COXFA4: variants seen among roughly 807,000 people sequenced by gnomAD.
COXFA4 encodes the protein cytochrome c oxidase associated subunit FA4, also known as cytochrome c oxidase subunit FA4.
the COXFA4 span, chr7:10,939,790 G>A: frequency 3.7e-5 from 23 of 629,766 alleles, no homozygotes; most frequent in Non-Finnish European, 5.6e-5. Flanking sequence ...TTTTTTTTCC[G>A]AGCAGTGTCC....
At chr7:10,939,191 G>T in the COXFA4 span, 1 of 324,188 alleles carries the variant, frequency 3.1e-6, no homozygotes, top group Non-Finnish European at 5.9e-6. Flanking sequence ...AATGTATCGA[G>T]TCTTCTTCAC....
At chr7:10,937,591 G>C in the COXFA4 span, among the ~76,000 whole-genome samples, 1 of 152,042 alleles carries the variant, frequency 6.6e-6, no homozygotes, top group African/African-American at 2.4e-5. Flanking sequence ...CCTGCCCTTG[G>C]TTTTGATGCT....
the COXFA4 span, among the ~76,000 whole-genome samples, chr7:10,936,440 C>T: frequency 2.0e-5 from 3 of 152,176 alleles, no homozygotes; most frequent in African/African-American, 7.2e-5. Flanking sequence ...GTGGAAGAAT[C>T]AAAGCCTGCT....
chr7:10,934,139 G>A, the COXFA4 span, among the ~76,000 whole-genome samples: 1 of 152,138 alleles, frequency 6.6e-6, no homozygotes, highest in South Asian at 2.1e-4. Flanking sequence ...GAGAGATCCT[G>A]CAACAAAAAG....
At chr7:10,936,358 T>G in the COXFA4 span, among the ~76,000 whole-genome samples, 1 of 152,250 alleles carries the variant, frequency 6.6e-6, no homozygotes, top group African/African-American at 2.4e-5. Flanking sequence ...ATTAGTAGAC[T>G]GGCTGCATTA....
the COXFA4 span, chr7:10,940,101 A>C: frequency 6.3e-7 from 1 of 1,599,248 alleles, no homozygotes; most frequent in Non-Finnish European, 8.6e-7. Context: ...GAACCGACCT[A>C]GCCACCAGGC....
At chr7:10,939,709 T>C in the COXFA4 span, 1 of 452,840 alleles carries the variant, frequency 2.2e-6, no homozygotes, top group East Asian at 4.6e-5. Context: ...CTATCCCTCC[T>C]GGACCGCACA....
the COXFA4 span, among the ~76,000 whole-genome samples, chr7:10,935,060 A>G: frequency 6.6e-6 from 1 of 152,246 alleles, no homozygotes; most frequent in Non-Finnish European, 1.5e-5. Flanking sequence ...ATCTTAGTTA[A>G]TCATCACAAT....
chr7:10,934,376 T>TAAAAAAA, the COXFA4 span, among the ~76,000 whole-genome samples: 31 of 126,972 alleles, frequency 2.4e-4, no homozygotes, highest in African/African-American at 8.8e-4. Flanking sequence ...GTGATTGCTT[T>TAAAAAAA]AAAAAAAAAA....
chr7:10,938,926 C>T, the COXFA4 span: 7 of 1,531,680 alleles, frequency 4.6e-6, no homozygotes, highest in South Asian at 7.8e-5. Flanking sequence ...GAATAACCAT[C>T]TTCAAATACT....
chr7:10,932,330 T>C, the COXFA4 span: 1 of 152,218 alleles, frequency 6.6e-6, no homozygotes, highest in South Asian at 2.1e-4. Context: ...GGTAAAAGCA[T>C]GGAGTCTGGT....
the COXFA4 span, among the ~76,000 whole-genome samples, chr7:10,936,976 T>C: frequency 0.28 from 42,982 of 151,928 alleles, 8,727 homozygotes; most frequent in African/African-American, 0.58. Flanking sequence ...GTGGAGGCTG[T>C]AGTGAGCCAA....
the COXFA4 span, among the ~76,000 whole-genome samples, chr7:10,937,003 T>G: frequency 6.6e-6 from 1 of 151,976 alleles, no homozygotes; most frequent in African/African-American, 2.4e-5. Flanking sequence ...GGCACTGCAC[T>G]CCAGCCTGGG....
At chr7:10,939,730 G>C in the COXFA4 span, 2 of 488,366 alleles carry the variant, frequency 4.1e-6, no homozygotes, top group East Asian at 4.0e-5. Context: ...ACCTGCAAAA[G>C]AGAGCGGCCA....
At chr7:10,937,874 A>G in the COXFA4 span, 1 of 569,982 alleles carries the variant, frequency 1.8e-6, no homozygotes, top group South Asian at 2.2e-5. Context: ...TAGCTATACT[A>G]TTTTTCCTTC....
chr7:10,938,625 A>T, the COXFA4 span: 1 of 555,794 alleles, frequency 1.8e-6, no homozygotes, highest in Non-Finnish European at 3.2e-6. Flanking sequence ...AGACTCAGAG[A>T]AATTAGATAA....
the COXFA4 span, chr7:10,933,351 G>C: frequency 2.7e-6 from 1 of 369,662 alleles, no homozygotes; most frequent in Non-Finnish European, 4.9e-6. Context: ...GCTTAAAGTC[G>C]TATTTTCAAA....
chr7:10,937,230 G>T, the COXFA4 span, among the ~76,000 whole-genome samples: 1 of 149,578 alleles, frequency 6.7e-6, no homozygotes, highest in African/African-American at 2.5e-5. Flanking sequence ...CTTTAAACAC[G>T]TCAACTGTAT....
the COXFA4 span, among the ~76,000 whole-genome samples, chr7:10,934,413 T>TA: frequency 5.4e-5 from 8 of 147,022 alleles, no homozygotes; most frequent in South Asian, 4.3e-4. Context: ...CTCAGTAACT[T>TA]AAAAAAAAAT....
Sources: allele counts gnomAD v4.1 joint callset (sites outside exome capture counted in the v4.1 genomes callset), GRCh38; gene constraint gnomAD v4.1.1; transcripts MANE v1.5; gene names NCBI Gene and HGNC (gene_info 2026-07-23, HGNC 2026-07-21).